ARHGAP32: variants seen among roughly 807,000 people sequenced by gnomAD.
ARHGAP32 encodes rho GTPase-activating protein 32.
Under a neutral mutation model 186.5 loss-of-function variants are expected in ARHGAP32, and 51 were observed. The ratio of observed to expected loss-of-function variants is 0.27; its 90% confidence interval spans 0.22 to 0.35. The LOEUF (loss-of-function observed/expected upper bound fraction) is 0.35. Ranked by LOEUF, ARHGAP32 falls within the 10% of genes least tolerant of loss-of-function variation. The probability of loss-of-function intolerance (pLI) is 1.00; values close to 1 mark genes in which losing one functional copy is unlikely to be tolerated. For synonymous variants in ARHGAP32, 950 were observed against 964.3 expected (o/e 0.99, Z 0.27); for missense variants, 2,186 against 2,623.5 (o/e 0.83, Z 3.64).
At chr11:129,243,330 T>C (rs773514705) in intron 1 of ARHGAP32, among the ~76,000 whole-genome samples, 2 of 152,172 alleles carry the variant, frequency 1.3e-5, no homozygotes, top group African/African-American at 2.4e-5. Flanking sequence ...CTACCTCTCA[T>C]TCCCAGAAAC....
Position 128,982,474 on chromosome 11 carries a change from CGTGTGTGTGTGTGTGT to C in ARHGAP32, c.1527-554_1527-539del, listed in dbSNP as rs60379183. ...AATGTAAGTTAAACCAGGTAAGTGCCGTGTGTGTGTGTGTGTGTGTGTGTGTGTGTGTGTCTGTGCG... is the reference window on the plus strand; with the variant it reads ...AATGTAAGTTAAACCAGGTAAGTGCCGTGTGTGTGTGTGTGTGTCTGTGCG... On this transcript the variant is annotated intron_variant, in intron 15 of 22. Coordinates refer to ENST00000682385, the MANE Select transcript of ARHGAP32 (RefSeq NM_001378024.1). Among the ~76,000 whole-genome samples, 185 of 147,474 alleles carry C rather than the reference CGTGTGTGTGTGTGTGT, an allele frequency of 1.3e-3. 2 individuals are homozygous for C. The highest frequency in any genetic ancestry group is 3.5e-3 in the Middle Eastern group (1 of 286).
At chr11:129,113,671 G>A (rs1310978758) in intron 5 of ARHGAP32, among the ~76,000 whole-genome samples, 1 of 151,984 alleles carries the variant, frequency 6.6e-6, no homozygotes, top group Non-Finnish European at 1.5e-5. Flanking sequence ...TCACATATGA[G>A]TGGACCCATA....
At chr11:129,211,460 G>C (rs1944581344) in intron 1 of ARHGAP32, among the ~76,000 whole-genome samples, 1 of 152,128 alleles carries the variant, frequency 6.6e-6, no homozygotes, top group Non-Finnish European at 1.5e-5. Context: ...GAATAAAATT[G>C]CTTCCATCAA....
intron 2 of ARHGAP32, 29 bp downstream of exon 2, chr11:129,164,290 A>G (rs1372727596): frequency 3.1e-6 from 4 of 1,272,398 alleles, no homozygotes; most frequent in Non-Finnish European, 4.4e-6. Context: ...ATATATGTAT[A>G]TATGAACAAT....
intron 10 of ARHGAP32, among the ~76,000 whole-genome samples, chr11:129,059,164 T>C (rs529895588): frequency 1.5e-4 from 23 of 152,300 alleles, no homozygotes; most frequent in Admixed American, 7.8e-4. Context: ...TGCTTAGTGC[T>C]CTTCAGGCAA....
At chr11:128,975,859 GC>G (rs995496360) in intron 20 of ARHGAP32, among the ~76,000 whole-genome samples, 1 of 152,060 alleles carries the variant, frequency 6.6e-6, no homozygotes, top group African/African-American at 2.4e-5. Flanking sequence ...GACTAGCCTG[GC>G]CTAAGTGGCA....
rs1444309133 is a variant in ARHGAP32, at chr11:129,093,661, T to C, written c.491A>G (p.Glu164Gly). 1 of 1,605,426 alleles carries C rather than the reference T, an allele frequency of 6.2e-7. No homozygotes were observed. Among genetic ancestry groups the C allele is most frequent in the South Asian group, 1.1e-5 (1 of 89,100 alleles). ...EQNEVMKNGCESKELVYLVQI... is the reference protein window; with the variant it reads ...EQNEVMKNGCGSKELVYLVQI... ...CACGAGGTAGACCAGCTCTTTAGAT[T>C]CACAGCCATTTTTCATTACTTCATT... Residue 164 changes from glutamate to glycine, a missense_variant, in exon 6 of 23, where the codon GAA (glutamate) becomes GGA (glycine). Physicochemically the swap from Glu to Gly is moderately conservative, Grantham distance 98 (BLOSUM62 -2). Coordinates refer to ENST00000682385, the MANE Select transcript of ARHGAP32 (RefSeq NM_001378024.1).
chr11:128,999,807 G>A (rs1038243306), intron 11 of ARHGAP32, among the ~76,000 whole-genome samples: 5 of 152,164 alleles, frequency 3.3e-5, no homozygotes, highest in East Asian at 3.8e-4. Flanking sequence ...AACCCATGAC[G>A]TTTGAATCAA....
At chr11:129,253,759 T>C (rs1314651928) in intron 1 of ARHGAP32, among the ~76,000 whole-genome samples, 3 of 152,130 alleles carry the variant, frequency 2.0e-5, no homozygotes, top group African/African-American at 4.8e-5. Context: ...TCTATTTTAA[T>C]TATCTTTATA....
chr11:129,230,416 ATCTC>A (rs1591707967), intron 1 of ARHGAP32, among the ~76,000 whole-genome samples: 1 of 152,094 alleles, frequency 6.6e-6, no homozygotes, highest in Non-Finnish European at 1.5e-5. Flanking sequence ...CCTCTCCCTA[ATCTC>A]TCTCATTTGA....
rs952583782 is a variant in ARHGAP32, at chr11:129,158,915, G to A, written c.225+5404C>T. Among the ~76,000 whole-genome samples the A allele has an allele frequency of 3.3e-5, 5 of 152,208 alleles. No individual in the cohort carries two copies. The East Asian group carries it at 5.8e-4, about 18-fold the overall frequency. On this transcript the variant is annotated intron_variant, in intron 2 of 22. Coordinates refer to ENST00000682385, the MANE Select transcript of ARHGAP32 (RefSeq NM_001378024.1). ...AGGATTAAGAAACTCACTCAAAACC[G>A]CACAACTACATGGAAACTGAACAAT...
intron 2 of ARHGAP32, among the ~76,000 whole-genome samples, chr11:129,156,287 G>C (rs115639148): frequency 2.1e-4 from 32 of 152,304 alleles, no homozygotes; most frequent in African/African-American, 7.5e-4. Context: ...GCAGCCAAGT[G>C]GTCTAGCTCA....
At chr11:129,093,876 T>C (rs906081362) in intron 5 of ARHGAP32, among the ~76,000 whole-genome samples, 169 bp from the exon 6 acceptor site, 2 of 152,288 alleles carry the variant, frequency 1.3e-5, no homozygotes, top group Admixed American at 6.5e-5. Context: ...ATGAAGGACT[T>C]GGTGTTTCAG....
At chr11:129,068,202 C>A (rs1293405876) in intron 6 of ARHGAP32, among the ~76,000 whole-genome samples, 1 of 151,970 alleles carries the variant, frequency 6.6e-6, no homozygotes, top group Non-Finnish European at 1.5e-5. Context: ...TCATCTGGGC[C>A]CTGTCTAAAT....
chr11:129,225,612 C>G (rs1318112663), intron 1 of ARHGAP32, among the ~76,000 whole-genome samples: 1 of 152,112 alleles, frequency 6.6e-6, no homozygotes, highest in Non-Finnish European at 1.5e-5. Flanking sequence ...AAACAACAAA[C>G]AGCAACAATA....
chr11:129,266,314 T>C (rs1945399757), intron 1 of ARHGAP32, among the ~76,000 whole-genome samples: 1 of 152,196 alleles, frequency 6.6e-6, no homozygotes. Context: ...TCTTACTCTT[T>C]CAGGTGGACC....
chr11:129,253,625 C>G (rs1945215351), intron 1 of ARHGAP32, among the ~76,000 whole-genome samples: 1 of 152,106 alleles, frequency 6.6e-6, no homozygotes, highest in African/African-American at 2.4e-5. Flanking sequence ...CCTGAATCCT[C>G]ATAGGGCAAT....
chr11:128,971,348 C>A, intron 22 of ARHGAP32, 189 bp from the exon 23 acceptor site: 1 of 536,700 alleles, frequency 1.9e-6, no homozygotes. Flanking sequence ...GTACAACACC[C>A]AGTATTATCT....
chr11:129,024,760 A>T (rs2134918201), intron 11 of ARHGAP32, among the ~76,000 whole-genome samples: 1 of 152,326 alleles, frequency 6.6e-6, no homozygotes, highest in East Asian at 1.9e-4. Flanking sequence ...TCACCCATGG[A>T]GTCCCAAGGT....
Sources: allele counts gnomAD v4.1 joint callset (sites outside exome capture counted in the v4.1 genomes callset), GRCh38; gene constraint gnomAD v4.1.1; transcripts MANE v1.5; gene names NCBI Gene and HGNC (gene_info 2026-07-23, HGNC 2026-07-21).